TMEM132D: variants seen among roughly 807,000 people sequenced by gnomAD.
TMEM132D encodes the protein transmembrane protein 132D.
Under a neutral mutation model 62.3 loss-of-function variants are expected in TMEM132D, and 21 were observed. The ratio of observed to expected loss-of-function variants is 0.34; its 90% CI spans 0.24 to 0.49. The LOEUF (loss-of-function observed/expected upper bound fraction) is 0.49, where lower values mean the gene tolerates loss of function less well. Among genes scored for constraint, TMEM132D ranks in the 20% least tolerant of loss-of-function variants. The pLI is 0.99. For synonymous variants in TMEM132D, 621 were observed against 575.6 expected, an observed-to-expected ratio of 1.08 and a Z score of -1.13; for missense variants, 1,346 against 1,402.8, an observed-to-expected ratio of 0.96 and a Z score of 0.65.
At chr12:129,894,476 T>C (rs79542542) in intron 1 of TMEM132D, among the ~76,000 whole-genome samples, 2,690 of 152,324 alleles carry the variant, frequency 0.018, 37 homozygotes, top group Non-Finnish European at 0.027. Flanking sequence ...AAGCAGGTTC[T>C]GGTGGGATCC....
intron 2 of TMEM132D, among the ~76,000 whole-genome samples, chr12:129,643,187 T>G (rs569759902): frequency 3.3e-5 from 5 of 152,212 alleles, no homozygotes; most frequent in African/African-American, 1.2e-4. Context: ...GCTCCCAAAG[T>G]GCTGGGATTA....
chr12:129,256,620 C>T (rs912886864), intron 4 of TMEM132D, among the ~76,000 whole-genome samples: 7 of 152,240 alleles, frequency 4.6e-5, no homozygotes, highest in Middle Eastern at 3.4e-3. Context: ...TGGAGTTTCG[C>T]GATGTTGGCT....
chr12:129,553,991 A>G (rs1349673050), intron 2 of TMEM132D, among the ~76,000 whole-genome samples: 1 of 152,220 alleles, frequency 6.6e-6, no homozygotes, highest in African/African-American at 2.4e-5. Flanking sequence ...ATCTTTGATT[A>G]TCCTTTAATC....
chr12:129,393,000 C>G (rs1340242995), intron 3 of TMEM132D, among the ~76,000 whole-genome samples: 2 of 152,236 alleles, frequency 1.3e-5, no homozygotes, highest in African/African-American at 4.8e-5. Flanking sequence ...ATCTACGTTA[C>G]AGGTGCAAAG....
Position 129,125,499 on chromosome 12 carries a change from A to ATTTTT in TMEM132D, c.1444-40798_1444-40797insAAAAA, listed in dbSNP as rs1565972138. On this transcript the variant is annotated intron_variant, in intron 5 of 8. Transcript: ENST00000422113. ...GATGTGACGATGTCGAATTACTATG[A>ATTTTT]GTTTTTTTTTTTTTTTTTTTTTTGA... Among the ~76,000 whole-genome samples, 11 of 127,810 alleles carry ATTTTT rather than the reference A, an allele frequency of 8.6e-5. 5 individuals are homozygous for ATTTTT. The highest frequency in any genetic ancestry group is 9.0e-5 in the African/African-American group (3 of 33,284). The allele number at this position is 127,810 out of a possible 152,430, so 83.8% of individuals were successfully genotyped here.
chr12:129,564,390 C>T (rs1381613143), intron 2 of TMEM132D, among the ~76,000 whole-genome samples: 1 of 152,182 alleles, frequency 6.6e-6, no homozygotes, highest in African/African-American at 2.4e-5. Flanking sequence ...GATATGACAA[C>T]CTGGTGCCTT....
chr12:129,548,479 CT>C (rs1371048251), intron 2 of TMEM132D, among the ~76,000 whole-genome samples: 1 of 152,234 alleles, frequency 6.6e-6, no homozygotes, highest in African/African-American at 2.4e-5. Flanking sequence ...AGAGATCCCT[CT>C]CTCAGTCACG....
At chr12:129,088,744 CG>C (rs1411460412) in intron 5 of TMEM132D, among the ~76,000 whole-genome samples, 4 of 44,006 alleles carry the variant, frequency 9.1e-5, no homozygotes, top group African/African-American at 2.0e-4. Context: ...CCTCCATGAC[CG>C]GGGTGTCCTC....
rs536501853 is a variant in TMEM132D, at chr12:129,848,528, T to C, written c.79+54733A>G. The stretch of plus-strand genomic sequence containing the variant: ...CCAATGGGGAAAAAGTAGAAAATTA[T>C]ATCAAGAAGGTAAAATAGTCTACAT... On this transcript the variant is annotated intron_variant, in intron 1 of 8. Transcript: ENST00000422113. Among the ~76,000 whole-genome samples, 7 of 152,344 alleles carry C rather than the reference T, an allele frequency of 4.6e-5. No homozygotes were observed. The East Asian group carries it at 1.4e-3, about 29-fold the overall frequency.
chr12:129,799,658 A>T (rs1215166231), intron 1 of TMEM132D, among the ~76,000 whole-genome samples: 1 of 151,986 alleles, frequency 6.6e-6, no homozygotes, highest in Non-Finnish European at 1.5e-5. Flanking sequence ...CACTTCACTT[A>T]TTCTCATGAT....
intron 1 of TMEM132D, among the ~76,000 whole-genome samples, chr12:129,877,626 C>CAGAG (rs386378246): frequency 8.4e-5 from 12 of 142,762 alleles, no homozygotes; most frequent in African/African-American, 2.6e-4. Context: ...CACACACACA[C>CAGAG]ACAGAGAGAG....
At chr12:129,576,222 T>C (rs1259799449) in intron 2 of TMEM132D, among the ~76,000 whole-genome samples, 1 of 151,910 alleles carries the variant, frequency 6.6e-6, no homozygotes, top group Non-Finnish European at 1.5e-5. Context: ...GCCCGAAAAA[T>C]TAACTCCAAA....
chr12:129,138,552 C>G (rs1174773756), intron 5 of TMEM132D, among the ~76,000 whole-genome samples: 1 of 152,072 alleles, frequency 6.6e-6, no homozygotes, highest in Non-Finnish European at 1.5e-5. Context: ...GAAACCCCGT[C>G]TCTACTAAAA....
chr12:129,295,332 C>T (rs1035809162), intron 4 of TMEM132D, among the ~76,000 whole-genome samples: 8 of 151,970 alleles, frequency 5.3e-5, no homozygotes, highest in Admixed American at 5.2e-4. Context: ...GTTGGCTAGA[C>T]ACTACAGAAC....
intron 2 of TMEM132D, among the ~76,000 whole-genome samples, chr12:129,639,633 A>C (rs994206608): frequency 1.3e-5 from 2 of 152,092 alleles, no homozygotes; most frequent in Non-Finnish European, 2.9e-5. Flanking sequence ...CACAGCAAAC[A>C]ACAAGCCACA....
intron 2 of TMEM132D, among the ~76,000 whole-genome samples, chr12:129,693,029 A>G (rs1881101201): frequency 6.6e-6 from 1 of 152,220 alleles, no homozygotes; most frequent in African/African-American, 2.4e-5. Flanking sequence ...GACAAAATGT[A>G]CAATAAGTTT....
intron 4 of TMEM132D, among the ~76,000 whole-genome samples, chr12:129,336,086 C>A (rs1174519340): frequency 1.2e-4 from 18 of 152,176 alleles, no homozygotes; most frequent in Admixed American, 1.2e-3. Flanking sequence ...CAAACCAGCC[C>A]TAGACCACTA....
intron 1 of TMEM132D, among the ~76,000 whole-genome samples, chr12:129,898,331 A>T (rs998195949): frequency 6.6e-6 from 1 of 152,220 alleles, no homozygotes; most frequent in South Asian, 2.1e-4. Flanking sequence ...GAAATCAGAG[A>T]TAGAAAAAAT....
chr12:129,686,287 T>G (rs75925932), intron 2 of TMEM132D, among the ~76,000 whole-genome samples: 5 of 151,742 alleles, frequency 3.3e-5, no homozygotes, highest in African/African-American at 1.2e-4. Context: ...CCGGTGGGAG[T>G]AAGTGAAACA....
Sources: allele counts gnomAD v4.1 joint callset (sites outside exome capture counted in the v4.1 genomes callset), GRCh38; gene constraint gnomAD v4.1.1; transcripts MANE v1.5; gene names NCBI Gene and HGNC (gene_info 2026-07-23, HGNC 2026-07-21).